Variants in LMX1B observed in about 807,000 individuals in gnomAD.
The protein encoded by LMX1B is LIM homeobox transcription factor 1 beta.
In LMX1B, 12 loss-of-function variants were observed where a neutral mutation model predicts 51.4. The observed-to-expected ratio is 0.23, with a 90% CI of 0.15 to 0.38. The LOEUF (loss-of-function observed/expected upper bound fraction) is 0.38. Among genes scored for constraint, LMX1B ranks in the 10% least tolerant of loss-of-function variants. LMX1B has a pLI of 1.00. For missense variants in LMX1B, 445 were observed against 571.1 expected, an observed-to-expected ratio of 0.78 and a Z score of 2.25; for synonymous variants, 237 against 235.4, an observed-to-expected ratio of 1.01 and a Z score of -0.06.
chr9:126,672,108 G>C (rs1166991757), intron 2 of LMX1B, among the ~76,000 whole-genome samples: 2 of 152,268 alleles, frequency 1.3e-5, no homozygotes, highest in Non-Finnish European at 2.9e-5. Context: ...AAGGTCTCCA[G>C]CTCTGGAGTT....
At chr9:126,619,009 G>A (rs1490255571) in intron 2 of LMX1B, among the ~76,000 whole-genome samples, 5 of 152,058 alleles carry the variant, frequency 3.3e-5, no homozygotes, top group East Asian at 1.9e-4. Flanking sequence ...CCGGGCGGCC[G>A]AGCCTCTCGG....
chr9:126,663,129 AG>A (rs1319155850), intron 2 of LMX1B, among the ~76,000 whole-genome samples: 21 of 152,246 alleles, frequency 1.4e-4, no homozygotes, highest in Admixed American at 1.3e-3. Flanking sequence ...GAACAACCTA[AG>A]GCTTAAGAAT....
At chr9:126,629,172 A>G (rs1835589177) in intron 2 of LMX1B, among the ~76,000 whole-genome samples, 1 of 152,112 alleles carries the variant, frequency 6.6e-6, no homozygotes, top group Admixed American at 6.5e-5. Context: ...CCAGAGAGGA[A>G]GCCCACAGAA....
In LMX1B at chr9:126,699,435, C is replaced by T. The variant is rs4083644; in HGVS notation, c.*2984C>T. On this transcript the variant is annotated 3_prime_UTR_variant, in exon 8 of 8. Coordinates refer to ENST00000373474, the MANE Select transcript of LMX1B (RefSeq NM_001174147.2). Reference sequence around the variant, plus strand: ...TCCAGCCGGGACCCCATGCCAGGAGCTGGTCTAGGGACAGCATGCTTGTGA... The same window carrying T: ...TCCAGCCGGGACCCCATGCCAGGAGTTGGTCTAGGGACAGCATGCTTGTGA... 0.27 allele frequency: 40,885 copies of T among 152,136 alleles called. 5,539 individuals carry two copies. Among genetic ancestry groups the T allele is most frequent in the South Asian group, 0.37 (1,787 of 4,824 alleles). The allele number at this position is 152,136 out of a possible 1,614,324, so 9.4% of individuals were successfully genotyped here.
intron 2 of LMX1B, among the ~76,000 whole-genome samples, chr9:126,666,018 C>CCGAGCTAGG: frequency 6.6e-6 from 1 of 152,226 alleles, no homozygotes; most frequent in East Asian, 1.9e-4. Context: ...GCAGAGGTTC[C>CCGAGCTAGG]CGAGCTAGGC....
intron 2 of LMX1B, among the ~76,000 whole-genome samples, chr9:126,652,198 C>T (rs1348925226): frequency 6.6e-6 from 1 of 151,104 alleles, no homozygotes; most frequent in African/African-American, 2.4e-5. Context: ...TGCCTGTGAT[C>T]CTGTGATCCG....
At chr9:126,634,675 T>C (rs1455688876) in intron 2 of LMX1B, among the ~76,000 whole-genome samples, 1 of 152,144 alleles carries the variant, frequency 6.6e-6, no homozygotes, top group African/African-American at 2.4e-5. Context: ...AAGTTAGTCA[T>C]CTATAAAATG....
Position 126,697,845 on chromosome 9 carries a change from TTTTGTTTTGTTTTG to T in LMX1B, c.*1398_*1411del, listed in dbSNP as rs2030398680. On this transcript the variant is annotated 3_prime_UTR_variant, in exon 8 of 8. Coordinates refer to ENST00000373474, the MANE Select transcript of LMX1B (RefSeq NM_001174147.2). ...CAGGATGGGGGCACCTACTGTTTTG[TTTTGTTTTGTTTTG>T]TTTTGTTTTGTTTTGTTTTGTTTTG... 3 of 116,394 alleles carry T rather than the reference TTTTGTTTTGTTTTG, an allele frequency of 2.6e-5. No individual in the cohort carries two copies. Among genetic ancestry groups the T allele is most frequent in the African/African-American group, 1.1e-4 (3 of 26,378 alleles). The allele number at this position is 116,394 out of a possible 1,614,324, so 7.2% of individuals were successfully genotyped here. A position where few individuals can be genotyped will look rare whatever the true frequency, so the allele number is the denominator to read the frequency against.
chr9:126,693,360 C>G (rs368934890), intron 4 of LMX1B, 37 bp downstream of exon 4: 1 of 1,572,922 alleles, frequency 6.4e-7, no homozygotes, highest in East Asian at 2.3e-5. Context: ...CAGGCTGATG[C>G]CCGCACACCC....
chr9:126,682,639 G>T (rs2118969891), intron 2 of LMX1B, among the ~76,000 whole-genome samples: 1 of 152,296 alleles, frequency 6.6e-6, no homozygotes, highest in East Asian at 1.9e-4. Flanking sequence ...GCTCACGCCT[G>T]TAATCCCAAC....
At chr9:126,678,242 G>A (rs1192839012) in intron 2 of LMX1B, among the ~76,000 whole-genome samples, 6 of 151,790 alleles carry the variant, frequency 4.0e-5, no homozygotes, top group African/African-American at 1.2e-4. Context: ...TCCGGGAGGT[G>A]GAGCTTGCAG....
chr9:126,695,851 G>A lies in LMX1B; in HGVS notation c.899G>A (p.Ser300Asn), dbSNP rs866053996. ...SQRLGQEVLS[S>N]RMEGMMASYT... ...ACTGTGCCCCCAGAGGTCCTGTCCA[G>A]CCGCATGGAGGGCATGATGGCTTCC... Residue 300 changes from serine (S) to asparagine (N), a missense_variant, in exon 7 of 8, where the codon AGC becomes AAC. By Grantham distance (46) the Ser-to-Asn change is conservative. Transcript: ENST00000373474. The surrounding 1 kb of genome is among the most constrained non-coding windows in gnomAD (Gnocchi z 5.2). 7.4e-6 allele frequency: 12 copies of A among 1,612,894 alleles called. No homozygotes were observed. In the African/African-American group the frequency reaches 1.5e-4, roughly 20 times the overall value.
At chr9:126,687,955 C>T (rs1246223415) in intron 2 of LMX1B, among the ~76,000 whole-genome samples, 3 of 152,186 alleles carry the variant, frequency 2.0e-5, no homozygotes, top group East Asian at 1.9e-4. Flanking sequence ...ATTAGTCGCT[C>T]TCACCCCAGC....
chr9:126,621,484 T>C (rs1416824298), intron 2 of LMX1B, among the ~76,000 whole-genome samples: 4 of 152,164 alleles, frequency 2.6e-5, no homozygotes, highest in Admixed American at 6.5e-5. Flanking sequence ...AAAACCATAT[T>C]TGAAAAAGTT....
intron 2 of LMX1B, among the ~76,000 whole-genome samples, chr9:126,688,084 G>A (rs893227220): frequency 6.6e-6 from 1 of 152,226 alleles, no homozygotes; most frequent in African/African-American, 2.4e-5. Flanking sequence ...TTTATAAAGT[G>A]CGCGCAGTTT....
intron 2 of LMX1B, among the ~76,000 whole-genome samples, chr9:126,657,930 AG>A (rs1434869826): frequency 6.6e-6 from 1 of 152,074 alleles, no homozygotes; most frequent in Admixed American, 6.5e-5. Flanking sequence ...GGCCAGAAGA[AG>A]GGGTGCCTGC....
intron 3 of LMX1B, among the ~76,000 whole-genome samples, chr9:126,691,688 AG>A (rs916745930): frequency 2.6e-4 from 40 of 151,786 alleles, no homozygotes; most frequent in Admixed American, 2.4e-3. Flanking sequence ...ACCAGCACCC[AG>A]TCCACAGGCT....
chr9:126,697,440 C>T lies in LMX1B; in HGVS notation c.*989C>T, dbSNP rs2030380261. On this transcript the variant is annotated 3_prime_UTR_variant, in exon 8 of 8. Transcript: ENST00000373474. ...CCCCATCTGCAATGTGGTCCTCTCC[C>T]CAGCCACCTCTGCCTCCCCTCACAT... 1 of 152,694 alleles carries T rather than the reference C, an allele frequency of 6.5e-6. No individual in the cohort carries two copies. The highest frequency in any genetic ancestry group is 1.5e-5 in the Non-Finnish European group (1 of 68,404). 9.5% of individuals were successfully genotyped at this position (152,694 alleles called of 1,614,324 possible).
chr9:126,615,740 G>C lies in LMX1B; in HGVS notation c.326+171G>C, dbSNP rs1300204937. On this transcript the variant is annotated intron_variant, in intron 2 of 7. Coordinates refer to ENST00000373474, the MANE Select transcript of LMX1B (RefSeq NM_001174147.2). The surrounding 1 kb of genome is among the most constrained non-coding windows in gnomAD (Gnocchi z 6.0). The stretch of plus-strand genomic sequence containing the variant: ...CTTGGGGCTGGGGCGGACCAGCCCA[G>C]CCCAGCGGGCACTGATGGGGTCCTG... Among the ~76,000 whole-genome samples the C allele has an allele frequency of 6.6e-6, 1 of 152,048 alleles. No homozygotes were observed. The highest frequency in any genetic ancestry group is 1.5e-5 in the Non-Finnish European group (1 of 67,994).
Sources: gnomAD v4.1 joint callset for allele counts (sites outside exome capture counted in the v4.1 genomes callset) on GRCh38, gnomAD v4.1.1 for gene constraint, Gnocchi (gnomAD v3.1) non-coding constraint, MANE v1.5 for transcripts, NCBI Gene and HGNC (gene_info 2026-07-23, HGNC 2026-07-21) for gene names.